DOCK7: variants seen among roughly 807,000 people sequenced by gnomAD.
DOCK7 encodes dedicator of cytokinesis protein 7.
In DOCK7, 138 loss-of-function variants were observed where a neutral mutation model predicts 271.0. The observed-to-expected ratio is 0.51, with a 90% CI of 0.44 to 0.59. The LOEUF (loss-of-function observed/expected upper bound fraction) is 0.59. Ranked by LOEUF, DOCK7 falls within the 20% of genes least tolerant of loss-of-function variation. The pLI, the probability that DOCK7 is intolerant of heterozygous loss-of-function variation, is 0.00. For synonymous variants in DOCK7, 823 were observed against 876.1 expected (o/e 0.94, Z 1.07); for missense variants, 2,066 against 2,592.4 (o/e 0.80, Z 4.41).
intron 43 of DOCK7, chr1:62,487,173 C>G: frequency 1.1e-5 from 4 of 369,664 alleles, no homozygotes; most frequent in Non-Finnish European, 1.0e-5. Flanking sequence ...CAAAGAATCT[C>G]ATTAGTGTAA....
chr1:62,551,702 T>C (rs1157801934), intron 22 of DOCK7, among the ~76,000 whole-genome samples: 1 of 151,872 alleles, frequency 6.6e-6, no homozygotes, highest in Non-Finnish European at 1.5e-5. Context: ...GAAAACAACA[T>C]AAAAACTATG....
intron 28 of DOCK7, among the ~76,000 whole-genome samples, chr1:62,537,591 A>G (rs1017089936): frequency 2.6e-5 from 4 of 151,540 alleles, no homozygotes; most frequent in Non-Finnish European, 5.9e-5. Flanking sequence ...GTCTCAAAAA[A>G]AAAAAAAAAA....
chr1:62,580,388 T>C (rs890929917), intron 16 of DOCK7, among the ~76,000 whole-genome samples: 1 of 152,028 alleles, frequency 6.6e-6, no homozygotes, highest in Admixed American at 6.6e-5. Context: ...GAAAGTTGAG[T>C]TTACCAACAA....
At chr1:62,457,054 C>T (rs913301473) in intron 49 of DOCK7, among the ~76,000 whole-genome samples, 1 of 152,072 alleles carries the variant, frequency 6.6e-6, no homozygotes, top group Admixed American at 6.6e-5. Flanking sequence ...CATTTAATCT[C>T]CACAAAAACC....
chr1:62,638,641 A>T (rs182169971), intron 7 of DOCK7, among the ~76,000 whole-genome samples: 14 of 147,390 alleles, frequency 9.5e-5, no homozygotes, highest in Admixed American at 4.8e-4. Flanking sequence ...GAATATATAT[A>T]TTTTTTCATG....
At chr1:62,487,660 C>A (rs1646333812) in intron 42 of DOCK7, 1 of 396,182 alleles carries the variant, frequency 2.5e-6, no homozygotes, top group East Asian at 4.0e-5. Flanking sequence ...AGAGAGCCAG[C>A]AGCTTGTTCC....
chr1:62,531,322 T>C (rs1265246815), intron 29 of DOCK7, among the ~76,000 whole-genome samples: 1 of 152,192 alleles, frequency 6.6e-6, no homozygotes, highest in African/African-American at 2.4e-5. Context: ...TATGCTTACA[T>C]TGCTCAATCC....
intron 37 of DOCK7, among the ~76,000 whole-genome samples, chr1:62,498,464 G>A (rs761673769): frequency 2.7e-4 from 41 of 151,732 alleles, no homozygotes; most frequent in Non-Finnish European, 4.6e-4. Flanking sequence ...TGCTTATCTC[G>A]CATTATATTA....
intron 43 of DOCK7, chr1:62,485,690 G>A (rs1571255069): frequency 1.0e-6 from 1 of 985,144 alleles, no homozygotes; most frequent in East Asian, 1.1e-4. Flanking sequence ...TGGGGAGTAG[G>A]GTCAGCAACC....
chr1:62,586,413 T>C, intron 15 of DOCK7, 94 bp downstream of exon 15: 1 of 825,688 alleles, frequency 1.2e-6, no homozygotes, highest in East Asian at 2.6e-5. Flanking sequence ...AAGATCACAT[T>C]AATTTCCAGG....
chr1:62,581,075 T>C (rs1185810152), intron 16 of DOCK7, among the ~76,000 whole-genome samples: 6 of 152,068 alleles, frequency 3.9e-5, no homozygotes, highest in Admixed American at 3.3e-4. Context: ...CAGTCCTTTG[T>C]AGAAAATTTT....
At chr1:62,592,454 A>C (rs1201468474) in intron 14 of DOCK7, among the ~76,000 whole-genome samples, 1 of 152,226 alleles carries the variant, frequency 6.6e-6, no homozygotes, top group East Asian at 1.9e-4. Context: ...CATTTATAAG[A>C]TGTAATTTTT....
At position 62,492,751 on chromosome 1, in the gene DOCK7, A is replaced by C; in HGVS notation, c.5314T>G (p.Ser1772Ala). 6.2e-7 allele frequency: 1 copy of C among 1,614,104 alleles called. No homozygotes were observed. The highest frequency in any genetic ancestry group is 1.1e-5 in the South Asian group (1 of 91,080). The stretch of plus-strand genomic sequence containing the variant: ...TGTTCCAGTAATCCCACAAGTCCTG[A>C]CTCAGTAAAGTATTTTCCAGAGCAG... ...GICSGKYFTE[S>A]GLVGLLEQAA... is the part of the protein sequence containing the mutation. Residue 1772 changes from serine to alanine, a missense_variant, in exon 41 of 50, where the codon TCA becomes GCA. This residue lies in a region of DOCK7 where 652 missense variants were observed against 922.1 expected (regional missense o/e 0.71). Coordinates refer to ENST00000635253, the MANE Select transcript of DOCK7 (RefSeq NM_001367561.1).
At chr1:62,653,046 T>C (rs962345304) in intron 4 of DOCK7, among the ~76,000 whole-genome samples, 4 of 152,196 alleles carry the variant, frequency 2.6e-5, no homozygotes, top group African/African-American at 7.2e-5. Flanking sequence ...AAAACTATAA[T>C]GCCGTATCAG....
At chr1:62,539,417 C>G in intron 27 of DOCK7, 128 bp downstream of exon 27, 1 of 730,574 alleles carries the variant, frequency 1.4e-6, no homozygotes, top group South Asian at 2.2e-5. Context: ...AAATATGTTA[C>G]TTTGGCTACT....
chr1:62,593,415 C>A (rs1054025399), intron 14 of DOCK7, among the ~76,000 whole-genome samples: 1 of 151,972 alleles, frequency 6.6e-6, no homozygotes, highest in Non-Finnish European at 1.5e-5. Flanking sequence ...ACTAAAAATA[C>A]AAAAATTAGC....
intron 43 of DOCK7, chr1:62,485,797 G>T: frequency 1.4e-6 from 1 of 729,268 alleles, no homozygotes; most frequent in Non-Finnish European, 1.7e-6. Context: ...TTTAAATGCA[G>T]GCATCCATTT....
intron 31 of DOCK7, among the ~76,000 whole-genome samples, chr1:62,519,202 A>G (rs772003714): frequency 6.6e-6 from 1 of 152,174 alleles, no homozygotes; most frequent in Non-Finnish European, 1.5e-5. Flanking sequence ...CAAAACCACA[A>G]TTGTAGTGGG....
At chr1:62,579,029 G>A in intron 16 of DOCK7, 63 bp from the exon 17 acceptor site, 3 of 1,346,760 alleles carry the variant, frequency 2.2e-6, no homozygotes, top group Non-Finnish European at 2.9e-6. Context: ...TAATGTATTT[G>A]TATATTTGAA....
Sources: allele counts gnomAD v4.1 joint callset (sites outside exome capture counted in the v4.1 genomes callset), GRCh38; gene constraint gnomAD v4.1.1; regional missense constraint gnomAD v4.1.1; transcripts MANE v1.5; gene names NCBI Gene and HGNC (gene_info 2026-07-23, HGNC 2026-07-21).